Variants in EEFSEC observed in about 807,000 individuals in gnomAD.
The protein encoded by EEFSEC is eukaryotic elongation factor, selenocysteine-tRNA specific.
A neutral mutation model predicts 42.1 loss-of-function variants in EEFSEC; 43 were observed. That is an observed-to-expected ratio of 1.02 (90% confidence interval 0.80 to 1.32). The LOEUF (loss-of-function observed/expected upper bound fraction) is 1.32, where lower values mean the gene tolerates loss of function less well. Ranked by LOEUF, EEFSEC falls within the 40% of genes most tolerant of loss-of-function variation. EEFSEC has a pLI of 0.00. For synonymous variants in EEFSEC, 354 were observed against 339.1 expected, an observed-to-expected ratio of 1.04 and a Z score of -0.48; for missense variants, 745 against 803.6, an observed-to-expected ratio of 0.93 and a Z score of 0.88.
At chr3:128,241,143 C>T (rs1403214393) in intron 1 of EEFSEC, among the ~76,000 whole-genome samples, 1 of 151,302 alleles carries the variant, frequency 6.6e-6, no homozygotes, top group African/African-American at 2.4e-5. Context: ...TGAATCCTTG[C>T]TCCTTGACCT....
At chr3:128,288,825 C>A (rs554273405) in intron 4 of EEFSEC, among the ~76,000 whole-genome samples, 79 of 152,336 alleles carry the variant, frequency 5.2e-4, no homozygotes, top group African/African-American at 1.7e-3. Context: ...GAAGACAGCA[C>A]AGGCATTTTC....
chr3:128,416,908 C>A, the EEFSEC span, among the ~76,000 whole-genome samples: 8 of 152,162 alleles, frequency 5.3e-5, no homozygotes, highest in African/African-American at 1.9e-4. Context: ...TGGGAGGCCA[C>A]ACATTCCCTC....
At chr3:128,170,831 C>T (rs540881894) in intron 1 of EEFSEC, among the ~76,000 whole-genome samples, 5 of 152,318 alleles carry the variant, frequency 3.3e-5, no homozygotes, top group African/African-American at 1.2e-4. Flanking sequence ...CTTGTTATGG[C>T]AACCAATAAA....
Position 128,264,930 on chromosome 3 carries a change from T to C in EEFSEC, c.786+149T>C, listed in dbSNP as rs1346754084. The C allele has an allele frequency of 9.8e-6, 9 of 914,362 alleles. No individual in the cohort carries two copies. In the Admixed American group the frequency reaches 1.1e-4, roughly 12 times the overall value. The allele number at this position is 914,362 out of a possible 1,614,324, so 56.6% of individuals were successfully genotyped here. Reference sequence around the variant, plus strand: ...CCGCCCCACCTCCCCTCTGGCTGCCTGGCCCCGCCCGGCTCCAAGTCTTTC... The same window carrying C: ...CCGCCCCACCTCCCCTCTGGCTGCCCGGCCCCGCCCGGCTCCAAGTCTTTC... On this transcript the variant is annotated intron_variant, in intron 4 of 6. Coordinates refer to ENST00000254730, the MANE Select transcript of EEFSEC (RefSeq NM_021937.5).
At chr3:128,393,277 C>T (rs1370002059) in intron 6 of EEFSEC, among the ~76,000 whole-genome samples, 1 of 152,244 alleles carries the variant, frequency 6.6e-6, no homozygotes, top group Non-Finnish European at 1.5e-5. Flanking sequence ...GAGCTGAGCA[C>T]CTTTCCAGGG....
chr3:128,333,953 C>T (rs1451255881), intron 4 of EEFSEC, among the ~76,000 whole-genome samples: 1 of 152,196 alleles, frequency 6.6e-6, no homozygotes. Context: ...GTTCTCTCAT[C>T]CACTTGATCA....
At chr3:128,203,192 G>A (rs1327077158) in intron 1 of EEFSEC, among the ~76,000 whole-genome samples, 1 of 152,152 alleles carries the variant, frequency 6.6e-6, no homozygotes, top group Non-Finnish European at 1.5e-5. Flanking sequence ...TGAAACAGCA[G>A]GAATGGCAAA....
chr3:128,411,114 C>T (rs544527281), downstream of EEFSEC, among the ~76,000 whole-genome samples: 99 of 152,340 alleles, frequency 6.5e-4, no homozygotes, highest in Non-Finnish European at 9.8e-4. Flanking sequence ...CGGGCCAGGG[C>T]GCGCAGCCTT....
Position 128,396,439 on chromosome 3 carries a change from T to C in EEFSEC, c.1601-11630T>C, listed in dbSNP as rs1314933730. 4.6e-5 allele frequency among the ~76,000 whole-genome samples: 7 copies of C among 152,232 alleles called. No homozygotes were observed. The East Asian group carries it at 1.4e-3, about 29-fold the overall frequency. ...GAGTGGATAATGTACCCTCCTCACA[T>C]GAGTTGAGGCACAGAAAGCACTTTT... is the stretch of plus-strand genomic sequence containing the variant. On this transcript the variant is annotated intron_variant, in intron 6 of 6. Coordinates refer to ENST00000254730, the MANE Select transcript of EEFSEC (RefSeq NM_021937.5).
chr3:128,314,463 C>A (rs2066923961), intron 4 of EEFSEC, among the ~76,000 whole-genome samples: 1 of 152,166 alleles, frequency 6.6e-6, no homozygotes. Flanking sequence ...TGTGCCTAAG[C>A]CTCCTGATTA....
intron 5 of EEFSEC, among the ~76,000 whole-genome samples, chr3:128,357,989 A>G (rs1324448914): frequency 6.6e-6 from 1 of 151,978 alleles, no homozygotes; most frequent in Non-Finnish European, 1.5e-5. Flanking sequence ...CCTGTTTTGA[A>G]GGGCCCGTTG....
At chr3:128,323,023 C>T (rs2067025125) in intron 4 of EEFSEC, among the ~76,000 whole-genome samples, 1 of 152,186 alleles carries the variant, frequency 6.6e-6, no homozygotes, top group South Asian at 2.1e-4. Context: ...AAAGTATTTC[C>T]ATTAACCTTA....
intron 4 of EEFSEC, among the ~76,000 whole-genome samples, chr3:128,329,964 T>C (rs931508311): frequency 3.3e-5 from 5 of 152,186 alleles, no homozygotes; most frequent in South Asian, 2.1e-4. Flanking sequence ...CACTGCTCCA[T>C]GGCGGTGATG....
At chr3:128,220,963 C>T (rs2065855901) in intron 1 of EEFSEC, among the ~76,000 whole-genome samples, 1 of 152,254 alleles carries the variant, frequency 6.6e-6, no homozygotes, top group South Asian at 2.1e-4. Flanking sequence ...TTATATTTCT[C>T]TGTTCACCAA....
At chr3:128,276,807 G>C (rs1038888913) in intron 4 of EEFSEC, among the ~76,000 whole-genome samples, 3 of 152,194 alleles carry the variant, frequency 2.0e-5, no homozygotes, top group Admixed American at 6.5e-5. Context: ...TCTCTTGGAG[G>C]TGGAGATATG....
At chr3:128,236,537 A>G (rs952209533) in intron 1 of EEFSEC, among the ~76,000 whole-genome samples, 1 of 152,002 alleles carries the variant, frequency 6.6e-6, no homozygotes, top group African/African-American at 2.4e-5. Flanking sequence ...TTGTCAGTAC[A>G]GTAGGTGAAA....
chr3:128,292,296 A>G (rs984373633), intron 4 of EEFSEC, among the ~76,000 whole-genome samples: 1 of 151,952 alleles, frequency 6.6e-6, no homozygotes, highest in South Asian at 2.1e-4. Context: ...TATAATGTCT[A>G]TGTCATGTTT....
At chr3:128,366,787 G>A (rs1184368926) in intron 6 of EEFSEC, among the ~76,000 whole-genome samples, 1 of 152,194 alleles carries the variant, frequency 6.6e-6, no homozygotes, top group Non-Finnish European at 1.5e-5. Context: ...TTGAGCCCCT[G>A]TTATGTGTCA....
At chr3:128,296,335 C>T (rs2811387) in intron 4 of EEFSEC, among the ~76,000 whole-genome samples, 130,688 of 152,078 alleles carry the variant, frequency 0.86, 56,367 homozygotes, top group East Asian at 0.99. Flanking sequence ...GAGCTGGCCA[C>T]CCCATGTAGC....
Sources: allele counts gnomAD v4.1 joint callset (sites outside exome capture counted in the v4.1 genomes callset), GRCh38; gene constraint gnomAD v4.1.1; transcripts MANE v1.5; gene names NCBI Gene and HGNC (gene_info 2026-07-23, HGNC 2026-07-21).